The following EPHA7 variants were observed in gnomAD, a reference collection of about 807,000 sequenced individuals.
EPHA7 encodes EPH receptor A7, also known as ephrin type-A receptor 7.
A neutral mutation model predicts 112.6 loss-of-function variants in EPHA7; 25 were observed. The observed-to-expected ratio is 0.22, with a 90% CI of 0.16 to 0.31. EPHA7 has a LOEUF of 0.31. Among genes scored for constraint, EPHA7 ranks in the 10% least tolerant of loss-of-function variants. EPHA7 has a pLI of 1.00. For synonymous variants in EPHA7, 437 were observed against 406.5 expected (o/e 1.07, Z -0.90); for missense variants, 962 against 1,212.6 (o/e 0.79, Z 3.07).
At chr6:93,256,361 C>T (rs1406185600) in intron 12 of EPHA7, among the ~76,000 whole-genome samples, 1 of 151,814 alleles carries the variant, frequency 6.6e-6, no homozygotes, top group Admixed American at 6.6e-5. Flanking sequence ...CCCCCAATAG[C>T]TAAGTGTTTT....
intron 5 of EPHA7, among the ~76,000 whole-genome samples, chr6:93,279,307 G>A (rs1309119438): frequency 6.6e-6 from 1 of 152,010 alleles, no homozygotes; most frequent in East Asian, 1.9e-4. Flanking sequence ...ATATAGATCT[G>A]CATCACTCTT....
At chr6:93,295,382 A>G (rs981422265) in intron 5 of EPHA7, among the ~76,000 whole-genome samples, 1 of 151,696 alleles carries the variant, frequency 6.6e-6, no homozygotes, top group Admixed American at 6.6e-5. Flanking sequence ...TAGTTTCTGT[A>G]ATTTTGTGTA....
intron 5 of EPHA7, among the ~76,000 whole-genome samples, chr6:93,325,993 A>G (rs990593344): frequency 5.3e-5 from 8 of 151,438 alleles, no homozygotes; most frequent in Admixed American, 1.3e-4. Context: ...TTCGCCATCA[A>G]TGAGATCTAA....
chr6:93,256,783 C>T (rs1049342960), intron 12 of EPHA7, among the ~76,000 whole-genome samples: 1 of 152,024 alleles, frequency 6.6e-6, no homozygotes, highest in African/African-American at 2.4e-5. Context: ...ATAAAAGTTT[C>T]TCTAAATCCT....
chr6:93,354,763 A>G (rs1344768855), intron 5 of EPHA7, among the ~76,000 whole-genome samples: 1 of 152,030 alleles, frequency 6.6e-6, no homozygotes, highest in African/African-American at 2.4e-5. Context: ...TTGATAATAT[A>G]TTTAGCCTGT....
At chr6:93,318,440 A>C (rs1361981033) in intron 5 of EPHA7, among the ~76,000 whole-genome samples, 1 of 152,086 alleles carries the variant, frequency 6.6e-6, no homozygotes, top group Non-Finnish European at 1.5e-5. Context: ...AGATAAGAAC[A>C]ATTTCTTGAT....
At position 93,414,730 on chromosome 6, in the gene EPHA7, CAACTCT is replaced by C; in HGVS notation, c.129_134del (p.Leu45_Glu46del). ...CATTGGGTGGAGAGGAAATCCACTCCAACTCTGTTTGTTGTGCTTTAGAATCCAGCA... is the reference window on the plus strand; with the variant it reads ...CATTGGGTGGAGAGGAAATCCACTCCGTTTGTTGTGCTTTAGAATCCAGCA... On this transcript the variant is annotated inframe_deletion, in exon 2 of 17. Transcript: ENST00000369303. 6.2e-7 allele frequency: 1 copy of C among 1,612,470 alleles called. No individual in the cohort carries two copies. The highest frequency in any genetic ancestry group is 8.5e-7 in the Non-Finnish European group (1 of 1,179,096).
intron 3 of EPHA7, among the ~76,000 whole-genome samples, chr6:93,405,323 T>C (rs1025990578): frequency 6.6e-6 from 1 of 151,858 alleles, no homozygotes; most frequent in Non-Finnish European, 1.5e-5. Context: ...ATTTAGGTTA[T>C]TATCAATAAT....
chr6:93,258,220 G>A lies in EPHA7; in HGVS notation c.1989C>T (p.Ala663=), dbSNP rs1223628759. 4.3e-6 allele frequency: 7 copies of A among 1,613,052 alleles called. No homozygotes were observed. The highest frequency in any genetic ancestry group is 5.9e-6 in the Non-Finnish European group (7 of 1,179,474). The change falls in exon 11 of 17, where the codon GCC becomes GCT. Residue 663 remains alanine (A), a synonymous_variant. Coordinates refer to ENST00000369303, the MANE Select transcript of EPHA7 (RefSeq NM_004440.4). ...TGTAACCAACTTTCAGGGTTTTTAT[G>A]GCTACTGCAACATCTCTTTTCCCTG... The part of the protein sequence containing the change: ...KLPGKRDVAV[A]IKTLKVGYTE...
intron 3 of EPHA7, among the ~76,000 whole-genome samples, chr6:93,400,815 G>A (rs1778403482): frequency 6.6e-6 from 1 of 152,082 alleles, no homozygotes; most frequent in Non-Finnish European, 1.5e-5. Flanking sequence ...TGGGATTACA[G>A]GCATCAGCCG....
intron 3 of EPHA7, among the ~76,000 whole-genome samples, chr6:93,359,917 A>G (rs1171654393): frequency 2.6e-5 from 4 of 150,980 alleles, no homozygotes. Flanking sequence ...AGATAGATAG[A>G]TAGAGATAGA....
At chr6:93,277,528 T>C (rs1771527124) in intron 5 of EPHA7, among the ~76,000 whole-genome samples, 1 of 152,036 alleles carries the variant, frequency 6.6e-6, no homozygotes, top group Non-Finnish European at 1.5e-5. Context: ...ATTGAACCTG[T>C]AGCAATTATG....
chr6:93,387,514 T>A (rs1439767755), intron 3 of EPHA7, among the ~76,000 whole-genome samples: 1 of 152,140 alleles, frequency 6.6e-6, no homozygotes, highest in Non-Finnish European at 1.5e-5. Flanking sequence ...TTTTAGGGTA[T>A]CTTTATAGCA....
intron 3 of EPHA7, among the ~76,000 whole-genome samples, chr6:93,380,180 G>C (rs540784941): frequency 5.5e-4 from 83 of 152,076 alleles, no homozygotes; most frequent in Non-Finnish European, 4.0e-4. Context: ...AAAGCAAAGA[G>C]TAAAGACCAA....
At chr6:93,303,432 G>A (rs1305360213) in intron 5 of EPHA7, among the ~76,000 whole-genome samples, 1 of 151,860 alleles carries the variant, frequency 6.6e-6, no homozygotes, top group Non-Finnish European at 1.5e-5. Flanking sequence ...TAGAAAATAA[G>A]GCAAATAAAT....
At chr6:93,362,117 G>A (rs912587181) in intron 3 of EPHA7, among the ~76,000 whole-genome samples, 1 of 151,910 alleles carries the variant, frequency 6.6e-6, no homozygotes, top group Non-Finnish European at 1.5e-5. Flanking sequence ...GGGCCTTAAT[G>A]AATAAAATAA....
intron 14 of EPHA7, among the ~76,000 whole-genome samples, chr6:93,250,497 A>G (rs886876021): frequency 2.0e-5 from 3 of 152,096 alleles, no homozygotes; most frequent in African/African-American, 7.2e-5. Flanking sequence ...GCGCACAGGA[A>G]AAAAAAGAGA....
At chr6:93,269,093 T>C (rs914947705) in intron 7 of EPHA7, among the ~76,000 whole-genome samples, 11 of 151,806 alleles carry the variant, frequency 7.2e-5, no homozygotes, top group African/African-American at 2.7e-4. Context: ...CACTACACAT[T>C]CTGGCTTCAT....
At chr6:93,262,452 C>T (rs895340633) in intron 9 of EPHA7, among the ~76,000 whole-genome samples, 1 of 151,236 alleles carries the variant, frequency 6.6e-6, no homozygotes, top group Non-Finnish European at 1.5e-5. Flanking sequence ...ACCCCATATA[C>T]AGTTTGGGAT....
Sources: allele counts gnomAD v4.1 joint callset (sites outside exome capture counted in the v4.1 genomes callset), GRCh38; gene constraint gnomAD v4.1.1; transcripts MANE v1.5; gene names NCBI Gene and HGNC (gene_info 2026-07-23, HGNC 2026-07-21).